VIRMA: variants seen among roughly 807,000 people sequenced by gnomAD.
VIRMA encodes the protein protein virilizer homolog.
VIRMA carries 65 observed loss-of-function variants against 182.4 expected under a neutral mutation model. The ratio of observed to expected loss-of-function variants is 0.36; its 90% CI spans 0.29 to 0.44. The LOEUF is 0.44. Among genes scored for constraint, VIRMA ranks in the 20% least tolerant of loss-of-function variants. The pLI, the probability that VIRMA is intolerant of heterozygous loss-of-function variation, is 1.00. For synonymous variants in VIRMA, 709 were observed against 743.1 expected (o/e 0.95, Z 0.75); for missense variants, 1,752 against 2,158.1 (o/e 0.81, Z 3.73).
At chr8:94,496,917 T>C (rs1221973897) in intron 17 of VIRMA, 2 of 153,242 alleles carry the variant, frequency 1.3e-5, no homozygotes, top group Non-Finnish European at 2.9e-5. Context: ...AAAGTTAATA[T>C]TTTCTGCTTT....
chr8:94,535,812 G>A (rs1294833452), intron 4 of VIRMA, among the ~76,000 whole-genome samples: 2 of 151,560 alleles, frequency 1.3e-5, no homozygotes. Flanking sequence ...GGAACCCAGA[G>A]GCATTAAATA....
chr8:94,526,486 A>G lies in VIRMA; in HGVS notation c.1758T>C (p.Pro586=), dbSNP rs750464877. The G allele has an allele frequency of 1.9e-6, 3 of 1,613,662 alleles. No individual in the cohort carries two copies. The highest frequency in any genetic ancestry group is 3.3e-5 in the Admixed American group (2 of 59,888). Residue 586 remains proline (P), a synonymous_variant, in exon 8 of 24, where the codon CCT becomes CCC. Coordinates refer to ENST00000297591, the MANE Select transcript of VIRMA (RefSeq NM_015496.5). Reference sequence around the variant, plus strand: ...CAAGTCCAGCATCTGTGTCGTGATCAGGTTCACTGTGGTTAGGAAGAGATG... The same window carrying G: ...CAAGTCCAGCATCTGTGTCGTGATCGGGTTCACTGTGGTTAGGAAGAGATG... ...KTSSLPNHSE[P]DHDTDAGLER...
intron 1 of VIRMA, among the ~76,000 whole-genome samples, chr8:94,546,351 A>G (rs1275934401): frequency 6.6e-6 from 1 of 150,988 alleles, no homozygotes; most frequent in East Asian, 1.9e-4. Flanking sequence ...TAGTGATGGC[A>G]TCACCATCCA....
intron 1 of VIRMA, among the ~76,000 whole-genome samples, chr8:94,551,148 CCT>C (rs1214183913): frequency 1.8e-4 from 28 of 152,328 alleles, no homozygotes; most frequent in Admixed American, 1.4e-3. Flanking sequence ...AGTAGAATGC[CCT>C]CCTTTCCTAA....
chr8:94,550,544 G>A lies in VIRMA; in HGVS notation c.63+2841C>T, dbSNP rs144163613. ...CCTGACCTCGTGATCCGCTTGCCTC[G>A]GCCTCCCAAAGTGCTGGGATTACAG... is the stretch of plus-strand genomic sequence containing the variant. On this transcript the variant is annotated intron_variant, in intron 1 of 23. Transcript: ENST00000297591. Among the ~76,000 whole-genome samples the A allele has an allele frequency of 4.7e-4, 71 of 152,002 alleles. 1 individual carries two copies. In the East Asian group the frequency reaches 0.011, roughly 24 times the overall value.
chr8:94,496,470 C>T lies in VIRMA; in HGVS notation c.4241G>A (p.Gly1414Glu), dbSNP rs1813780166. Residue 1414 changes from glycine to glutamate, a missense_variant, in exon 18 of 24, where the codon GGA (glycine) becomes GAA (glutamate). Coordinates refer to ENST00000297591, the MANE Select transcript of VIRMA (RefSeq NM_015496.5). Reference sequence around the variant, plus strand: ...TACTTCCATGAGACCATTATCATCTCCACAGCATCCCTGTAAATGTCACAC... The same window carrying T: ...TACTTCCATGAGACCATTATCATCTTCACAGCATCCCTGTAAATGTCACAC... ...ILNSDTIGCC[G>E]DDNGLMEVEG... The T allele has an allele frequency of 6.2e-7, 1 of 1,608,122 alleles. No homozygotes were observed. Among genetic ancestry groups the T allele is most frequent in the African/African-American group, 1.3e-5 (1 of 74,652 alleles).
chr8:94,493,873 G>GC (rs1375434470), intron 20 of VIRMA, among the ~76,000 whole-genome samples: 1 of 152,130 alleles, frequency 6.6e-6, no homozygotes, highest in Non-Finnish European at 1.5e-5. Flanking sequence ...TCTCTGAGAA[G>GC]CATAGAACAG....
At chr8:94,546,508 A>C (rs536767258) in intron 1 of VIRMA, among the ~76,000 whole-genome samples, 1 of 151,246 alleles carries the variant, frequency 6.6e-6, no homozygotes, top group South Asian at 2.1e-4. Context: ...TCACTCCAAT[A>C]TGAATTACAG....
chr8:94,539,447 TAA>T (rs1411446200), intron 2 of VIRMA, among the ~76,000 whole-genome samples: 2 of 152,214 alleles, frequency 1.3e-5, no homozygotes, highest in African/African-American at 4.8e-5. Context: ...ACACTTTATG[TAA>T]AAGATACTAT....
At chr8:94,518,868 T>C in intron 9 of VIRMA, 117 bp downstream of exon 9, 2 of 934,940 alleles carry the variant, frequency 2.1e-6, no homozygotes, top group East Asian at 4.8e-5. Flanking sequence ...AGTTTTGTGT[T>C]ATATCAAAAC....
chr8:94,511,559 C>T lies in VIRMA; in HGVS notation c.3016G>A (p.Ala1006Thr). Residue 1006 changes from alanine (A) to threonine (T), a missense_variant, in exon 13 of 24, where the codon GCT becomes ACT. Ala to Thr is a moderately conservative substitution (Grantham distance 58, BLOSUM62 0). Around this residue, in one of 11 missense-constraint regions of VIRMA, gnomAD observed 777 missense variants for 920.6 expected, o/e 0.84. Coordinates refer to ENST00000297591, the MANE Select transcript of VIRMA (RefSeq NM_015496.5). Reference protein sequence around the residue: ...TLHRVTTISMARCTLTLLKTM... With the variant: ...TLHRVTTISMTRCTLTLLKTM... ...TTAAGAAGAGTGAGTGTGCAGCGAGCCATTGAAATAGTAGTAACTCTGTGA... is the reference window on the plus strand; with the variant it reads ...TTAAGAAGAGTGAGTGTGCAGCGAGTCATTGAAATAGTAGTAACTCTGTGA... 2 of 1,614,064 alleles carry T rather than the reference C, an allele frequency of 1.2e-6. No individual in the cohort carries two copies. The highest frequency in any genetic ancestry group is 1.7e-6 in the Non-Finnish European group (2 of 1,179,978).
chr8:94,542,201 T>C (rs3099418), intron 2 of VIRMA, among the ~76,000 whole-genome samples: 47,147 of 152,080 alleles, frequency 0.31, 7,421 homozygotes, highest in South Asian at 0.47. Context: ...ATGGTAAAGA[T>C]GATAATATGT....
At chr8:94,510,201 A>G (rs527818672) in intron 14 of VIRMA, among the ~76,000 whole-genome samples, 3 of 152,314 alleles carry the variant, frequency 2.0e-5, no homozygotes, top group Non-Finnish European at 4.4e-5. Context: ...GACCTTCAAG[A>G]TATCTTGCAC....
chr8:94,531,509 T>C (rs1277456413), intron 5 of VIRMA, among the ~76,000 whole-genome samples: 1 of 152,250 alleles, frequency 6.6e-6, no homozygotes, highest in Non-Finnish European at 1.5e-5. Flanking sequence ...CATCGGAATT[T>C]CTGACTTCCC....
intron 17 of VIRMA, chr8:94,496,780 C>T: frequency 4.2e-6 from 1 of 235,470 alleles, no homozygotes; most frequent in Non-Finnish European, 8.1e-6. Flanking sequence ...GATTGATGCT[C>T]AAGAATTAAT....
rs191484017 is a variant in VIRMA, at chr8:94,550,361, C to T, written c.63+3024G>A. ...AGGCTGGAGTGCAGTGGCACAATCT[C>T]GGCTCACTGCAAGCTCTGCCTCCCG... On this transcript the variant is annotated intron_variant, in intron 1 of 23. Coordinates refer to ENST00000297591, the MANE Select transcript of VIRMA (RefSeq NM_015496.5). 6.0e-3 allele frequency among the ~76,000 whole-genome samples: 909 copies of T among 150,938 alleles called. 13 individuals carry two copies. The highest frequency in any genetic ancestry group is 0.021 in the African/African-American group (864 of 41,136).
chr8:94,530,932 G>T (rs769468152), intron 6 of VIRMA, 31 bp downstream of exon 6: 1 of 1,589,556 alleles, frequency 6.3e-7, no homozygotes, highest in Non-Finnish European at 8.5e-7. Flanking sequence ...TTAACTAGGG[G>T]GGAAAACCTT....
chr8:94,517,696 T>A, intron 10 of VIRMA, 92 bp downstream of exon 10: 1 of 840,120 alleles, frequency 1.2e-6, no homozygotes, highest in African/African-American at 1.7e-5. Flanking sequence ...ACTAGGTATA[T>A]TATCGAAACA....
intron 8 of VIRMA, among the ~76,000 whole-genome samples, chr8:94,521,078 T>C (rs1428885385): frequency 1.3e-5 from 2 of 151,974 alleles, no homozygotes; most frequent in South Asian, 2.1e-4. Flanking sequence ...CTGGAGTACA[T>C]GTGCAGAATG....
Sources: allele counts gnomAD v4.1 joint callset (sites outside exome capture counted in the v4.1 genomes callset), GRCh38; gene constraint gnomAD v4.1.1; regional missense constraint gnomAD v4.1.1; transcripts MANE v1.5; gene names NCBI Gene and HGNC (gene_info 2026-07-23, HGNC 2026-07-21).